SP3: variants seen among roughly 807,000 people sequenced by gnomAD.
SP3 encodes the protein Sp3 transcription factor, also known as transcription factor Sp3.
A neutral mutation model predicts 70.3 loss-of-function variants in SP3; 10 were observed. The ratio of observed to expected loss-of-function variants is 0.14; its 90% confidence interval spans 0.09 to 0.24. The LOEUF (loss-of-function observed/expected upper bound fraction) is 0.24, where lower values mean the gene tolerates loss of function less well. Among genes scored for constraint, SP3 ranks in the 10% least tolerant of loss-of-function variants. The pLI is 1.00. For missense variants in SP3, 825 were observed against 914.6 expected (o/e 0.90, Z 1.26); for synonymous variants, 402 against 333.5 (o/e 1.21, Z -2.24).
chr2:173,962,942 C>G (rs941538832), intron 3 of SP3: 5 of 152,192 alleles, frequency 3.3e-5, no homozygotes, highest in African/African-American at 1.2e-4. Context: ...ACACTGAAAA[C>G]ACTACAGAAA....
chr2:173,964,865 C>T (rs908871038), intron 1 of SP3: 3 of 495,378 alleles, frequency 6.1e-6, no homozygotes, highest in South Asian at 6.1e-5. Context: ...GCTCGCTCCT[C>T]TCGCACCGTC....
chr2:173,903,979 T>C lies in SP3; in HGVS notation c.*5962A>G, dbSNP rs1689241268. Among the ~76,000 whole-genome samples, 1 of 150,050 alleles carries C rather than the reference T, an allele frequency of 6.7e-6. No individual in the cohort carries two copies. The highest frequency in any genetic ancestry group is 1.5e-5 in the Non-Finnish European group (1 of 67,540). Reference sequence around the variant, plus strand: ...AGGGACTAGTTTTGAGGAAGACAATTTTTTCATGGATGGGGGTCGGGGGGT... The same window carrying C: ...AGGGACTAGTTTTGAGGAAGACAATCTTTTCATGGATGGGGGTCGGGGGGT... On this transcript the variant is annotated 3_prime_UTR_variant, in exon 7 of 7. Coordinates refer to ENST00000310015, the MANE Select transcript of SP3 (RefSeq NM_003111.5).
At chr2:173,964,778 C>G in intron 1 of SP3, 1 of 447,956 alleles carries the variant, frequency 2.2e-6, no homozygotes, top group Non-Finnish European at 3.9e-6. Flanking sequence ...TCTTTCCCTC[C>G]TCCTCCTCCT....
rs1166366660 is a variant in SP3 at position 173,955,861 on chromosome 2, A to C, written c.651T>G (p.Ser217=). The part of the protein sequence containing the change: ...IPGSNQTLLA[S]GTPSANIQNL... ...TCTGGATGTTAGCAGAAGGTGTTCC[A>C]GAGGCAAGTAAGGTTTGATTAGAGC... Residue 217 remains serine, a synonymous_variant, in exon 4 of 7, where the codon TCT becomes TCG. Transcript: ENST00000310015. 14 of 1,614,246 alleles carry C rather than the reference A, an allele frequency of 8.7e-6. No homozygotes were observed. Among genetic ancestry groups the C allele is most frequent in the Non-Finnish European group, 1.2e-5 (14 of 1,180,036 alleles).
At chr2:173,924,422 C>CCTTA (rs1465420335) in intron 4 of SP3, among the ~76,000 whole-genome samples, 1 of 152,172 alleles carries the variant, frequency 6.6e-6, no homozygotes, top group Non-Finnish European at 1.5e-5. Context: ...ATTCACTTCA[C>CCTTA]CTTATTAAAT....
chr2:173,921,577 T>C (rs1409520684), intron 4 of SP3, among the ~76,000 whole-genome samples: 1 of 152,160 alleles, frequency 6.6e-6, no homozygotes, highest in East Asian at 1.9e-4. Flanking sequence ...CAGGCAGGCA[T>C]GGTGGCACAT....
intron 2 of SP3, chr2:173,964,194 C>T (rs1449120883): frequency 2.2e-6 from 1 of 461,974 alleles, no homozygotes; most frequent in Non-Finnish European, 3.8e-6. Flanking sequence ...CTCACACGCG[C>T]ACAAAAAGGC....
intron 4 of SP3, among the ~76,000 whole-genome samples, chr2:173,950,177 G>T (rs551930449): frequency 1.5e-3 from 226 of 152,050 alleles, no homozygotes; most frequent in African/African-American, 4.4e-3. Context: ...AAAGGATAAG[G>T]AGTAGTAAAA....
Position 173,934,129 on chromosome 2 carries a change from A to C in SP3, c.1640-15344T>G, listed in dbSNP as rs1246593541. Among the ~76,000 whole-genome samples, 3 of 151,926 alleles carry C rather than the reference A, an allele frequency of 2.0e-5. No homozygotes were observed. The South Asian group carries it at 6.2e-4, about 32-fold the overall frequency. ...GTGCGGGGCACCTGTAGTCCCACCT[A>C]CTCAGGTGGCTAACACAGTAGGATC... On this transcript the variant is annotated intron_variant, in intron 4 of 6. Coordinates refer to ENST00000310015, the MANE Select transcript of SP3 (RefSeq NM_003111.5).
In SP3 at chr2:173,905,879, G is replaced by C. The variant is rs1352227410; in HGVS notation, c.*4062C>G. On this transcript the variant is annotated 3_prime_UTR_variant, in exon 7 of 7. Transcript: ENST00000310015. ...CTGAGCATGGTGGTGTGCACCTGTG[G>C]TCCAAGCTACTTAAGAGGCCGAAGT... Among the ~76,000 whole-genome samples, 1 of 152,122 alleles carries C rather than the reference G, an allele frequency of 6.6e-6. No individual in the cohort carries two copies.
At chr2:173,915,728 T>A (rs1381543673) in intron 5 of SP3, 1 of 152,196 alleles carries the variant, frequency 6.6e-6, no homozygotes, top group African/African-American at 2.4e-5. Context: ...TATATAACAA[T>A]CATGCCTCTA....
chr2:173,950,530 T>G (rs1162537993), intron 4 of SP3, among the ~76,000 whole-genome samples: 2 of 151,940 alleles, frequency 1.3e-5, no homozygotes, highest in Non-Finnish European at 2.9e-5. Flanking sequence ...AATTTAAAAC[T>G]TAGCTGGGCA....
At chr2:173,929,591 A>C (rs1260587199) in intron 4 of SP3, among the ~76,000 whole-genome samples, 1 of 152,236 alleles carries the variant, frequency 6.6e-6, no homozygotes, top group Non-Finnish European at 1.5e-5. Flanking sequence ...TTCATAAGCC[A>C]GGCTGAACAG....
At position 173,955,828 on chromosome 2, in the gene SP3, T is replaced by C. The variant is rs865858102; in HGVS notation, c.684A>G (p.Ile228Met). 5.6e-6 allele frequency: 9 copies of C among 1,614,208 alleles called. 1 individual carries two copies. In the Middle Eastern group the frequency reaches 1.3e-3, roughly 237 times the overall value. The change falls in exon 4 of 7, where the codon ATA (isoleucine) becomes ATG (methionine). Residue 228 changes from isoleucine to methionine, a missense_variant. Ile to Met is a conservative substitution (Grantham distance 10, BLOSUM62 1). Around this residue, in one of 4 missense-constraint regions of SP3, gnomAD observed 678 missense variants for 651.6 expected, o/e 1.04. Coordinates refer to ENST00000310015, the MANE Select transcript of SP3 (RefSeq NM_003111.5). ...GTPSANIQNL[I>M]PQTGQVQVQG... ...GAACCTGGACTTGACCAGTCTGTGG[T>C]ATGAGATTCTGGATGTTAGCAGAAG... is the stretch of plus-strand genomic sequence containing the variant.
Position 173,955,271 on chromosome 2 carries a change from T to G in SP3, c.1241A>C (p.Gln414Pro). 6.2e-7 allele frequency: 1 copy of G among 1,614,158 alleles called. No homozygotes were observed. The highest frequency in any genetic ancestry group is 2.2e-5 in the East Asian group (1 of 44,886). Residue 414 changes from glutamine to proline, a missense_variant, in exon 4 of 7, where the codon CAA becomes CCA. Coordinates refer to ENST00000310015, the MANE Select transcript of SP3 (RefSeq NM_003111.5). Reference sequence around the variant, plus strand: ...ATGGATTGTCTGTGGTGTAATACCTTGCACAATTTGGGCTTGACTGGTTGG... The same window carrying G: ...ATGGATTGTCTGTGGTGTAATACCTGGCACAATTTGGGCTTGACTGGTTGG... ...QQPTSQAQIV[Q>P]GITPQTIHGV...
rs768748356 is a variant in SP3, at chr2:173,905,285, G to A, written c.*4656C>T. 1.1e-4 allele frequency among the ~76,000 whole-genome samples: 16 copies of A among 152,182 alleles called. No individual in the cohort carries two copies. Among genetic ancestry groups the A allele is most frequent in the Non-Finnish European group, 2.1e-4 (14 of 68,040 alleles). On this transcript the variant is annotated 3_prime_UTR_variant, in exon 7 of 7. Transcript: ENST00000310015. The stretch of plus-strand genomic sequence containing the variant: ...AGGGGGGAGGAAGGCATTGGAAGGA[G>A]GTTACCATTTGAATCTCTACCGTTA...
intron 2 of SP3, 144 bp from the exon 3 acceptor site, chr2:173,964,027 T>C: frequency 2.5e-6 from 1 of 403,586 alleles, no homozygotes; most frequent in Non-Finnish European, 4.3e-6. Context: ...CTCCTCCTCC[T>C]CCTCCTCCTC....
chr2:173,943,436 T>A (rs1690436414), intron 4 of SP3, among the ~76,000 whole-genome samples: 1 of 152,188 alleles, frequency 6.6e-6, no homozygotes, highest in Non-Finnish European at 1.5e-5. Context: ...TTCCTAACCA[T>A]CATATTTAAA....
chr2:173,938,459 C>T (rs1393816845), intron 4 of SP3, among the ~76,000 whole-genome samples: 1 of 46,384 alleles, frequency 2.2e-5, no homozygotes, highest in South Asian at 8.1e-4. Flanking sequence ...AACTTTGCCT[C>T]AAAAAAAAAA....
Sources: allele counts gnomAD v4.1 joint callset (sites outside exome capture counted in the v4.1 genomes callset), GRCh38; gene constraint gnomAD v4.1.1; regional missense constraint gnomAD v4.1.1; transcripts MANE v1.5; gene names NCBI Gene and HGNC (gene_info 2026-07-23, HGNC 2026-07-21).